Variants in DNAH14 observed in about 807,000 individuals in gnomAD.
DNAH14 encodes the protein axonemal beta dynein heavy chain 14.
A neutral mutation model predicts 520.9 loss-of-function variants in DNAH14; 478 were observed. That is an observed-to-expected ratio of 0.92 (90% CI 0.85 to 0.99). The LOEUF (loss-of-function observed/expected upper bound fraction) is 0.99. Ranked by LOEUF, DNAH14 falls within the 50% of genes least tolerant of loss-of-function variation. The pLI, the probability that DNAH14 is intolerant of heterozygous loss-of-function variation, is 0.00. For synonymous variants in DNAH14, 1,581 were observed against 1,757.2 expected, an observed-to-expected ratio of 0.90 and a Z score of 2.51; for missense variants, 4,831 against 5,234.5, an observed-to-expected ratio of 0.92 and a Z score of 2.38.
chr1:225,335,339 ATG>A (rs1259384978), intron 66 of DNAH14, among the ~76,000 whole-genome samples: 4,109 of 86,708 alleles, frequency 0.047, 837 homozygotes, highest in Middle Eastern at 0.12. Context: ...ACGTGTGTAC[ATG>A]TGTGTGTATA....
chr1:224,942,052 T>C (rs912878212), intron 1 of DNAH14, among the ~76,000 whole-genome samples: 2 of 152,184 alleles, frequency 1.3e-5, no homozygotes, highest in African/African-American at 4.8e-5. Context: ...AAGAAAGTCA[T>C]TGGTAGCTTG....
At chr1:225,121,693 T>G (rs951922334) in intron 26 of DNAH14, among the ~76,000 whole-genome samples, 7 of 152,044 alleles carry the variant, frequency 4.6e-5, no homozygotes, top group East Asian at 3.9e-4. Flanking sequence ...ATACAAAATT[T>G]AGCCAGGCAT....
chr1:224,955,576 A>T (rs2060460851), intron 3 of DNAH14, among the ~76,000 whole-genome samples: 2 of 151,596 alleles, frequency 1.3e-5, no homozygotes, highest in African/African-American at 4.8e-5. Context: ...ATTTGATTTT[A>T]TTTTTTACCA....
intron 11 of DNAH14, among the ~76,000 whole-genome samples, chr1:225,029,506 G>C (rs952188972): frequency 6.6e-6 from 1 of 152,016 alleles, no homozygotes; most frequent in Non-Finnish European, 1.5e-5. Context: ...TACTTTGTTA[G>C]ATCCTGGACA....
chr1:224,955,434 A>G (rs1164251431), intron 3 of DNAH14, among the ~76,000 whole-genome samples: 2 of 152,042 alleles, frequency 1.3e-5, no homozygotes, highest in African/African-American at 2.4e-5. Context: ...CGGTTCTCCT[A>G]AGTCCCCAGT....
chr1:224,976,545 C>G (rs1203876924), intron 8 of DNAH14, among the ~76,000 whole-genome samples: 1 of 152,096 alleles, frequency 6.6e-6, no homozygotes, highest in East Asian at 1.9e-4. Context: ...TCAAAGTGAA[C>G]AGGCAACCTA....
chr1:225,324,408 C>A, intron 63 of DNAH14, 55 bp downstream of exon 63: 1 of 1,525,228 alleles, frequency 6.6e-7, no homozygotes, highest in Admixed American at 2.2e-5. Context: ...CATCAATGTC[C>A]CAGAAATAAT....
Position 225,389,817 on chromosome 1 carries a change from A to G in DNAH14, c.13274A>G (p.Asn4425Ser), listed in dbSNP as rs1558610402. 3.9e-6 allele frequency: 6 copies of G among 1,551,760 alleles called. No homozygotes were observed. In the African/African-American group the frequency reaches 6.8e-5, roughly 18 times the overall value. The stretch of plus-strand genomic sequence containing the variant: ...AAACACCCTGAGGATTCAGAGAACA[A>G]TTTCTTTGAAGGGTTTCCTTCAAGA... ...KCKHPEDSENNFFEGFPSRYW... is the reference protein window; with the variant it reads ...KCKHPEDSENSFFEGFPSRYW... Residue 4425 changes from asparagine to serine, a missense_variant, in exon 83 of 86, where the codon AAT becomes AGT. Coordinates refer to ENST00000682510, the MANE Select transcript of DNAH14 (RefSeq NM_001367479.1).
intron 35 of DNAH14, 27 bp downstream of exon 35, chr1:225,159,512 C>A: frequency 1.4e-6 from 2 of 1,479,402 alleles, no homozygotes; most frequent in South Asian, 2.7e-5. Context: ...AAATCATCAC[C>A]AATTATTTGG....
chr1:224,981,668 T>C (rs1044821736), intron 8 of DNAH14, among the ~76,000 whole-genome samples: 3 of 152,210 alleles, frequency 2.0e-5, no homozygotes, highest in Admixed American at 2.0e-4. Context: ...TTATTTGGAT[T>C]TTCTTTCTTC....
chr1:225,121,241 A>G (rs961911836), intron 26 of DNAH14, among the ~76,000 whole-genome samples: 1 of 152,184 alleles, frequency 6.6e-6, no homozygotes, highest in African/African-American at 2.4e-5. Flanking sequence ...ATCACCTCAC[A>G]TGCTTATTTT....
intron 8 of DNAH14, among the ~76,000 whole-genome samples, chr1:224,987,787 C>T (rs2062747383): frequency 6.6e-6 from 1 of 152,052 alleles, no homozygotes; most frequent in South Asian, 2.1e-4. Flanking sequence ...CCACCATGCC[C>T]AGCTAATTTT....
At chr1:225,168,150 C>A in intron 36 of DNAH14, 122 bp downstream of exon 36, 1 of 628,004 alleles carries the variant, frequency 1.6e-6, no homozygotes, top group East Asian at 3.3e-5. Context: ...TAATTAAAGT[C>A]ATTTATTAAT....
chr1:225,337,775 G>A (rs2095089023), intron 67 of DNAH14, among the ~76,000 whole-genome samples: 1 of 152,118 alleles, frequency 6.6e-6, no homozygotes, highest in Admixed American at 6.5e-5. Context: ...GGGTACATAA[G>A]ATGTTTTTGA....
intron 17 of DNAH14, among the ~76,000 whole-genome samples, chr1:225,059,364 T>C (rs1479046510): frequency 6.6e-6 from 1 of 152,208 alleles, no homozygotes; most frequent in Non-Finnish European, 1.5e-5. Flanking sequence ...CCTTTTTTTG[T>C]TTTCCATTTG....
chr1:225,362,978 C>G (rs2095509917), intron 75 of DNAH14, among the ~76,000 whole-genome samples: 2 of 152,076 alleles, frequency 1.3e-5, no homozygotes, highest in South Asian at 4.1e-4. Context: ...AGTGGGATTA[C>G]AGGCCATATT....
intron 49 of DNAH14, among the ~76,000 whole-genome samples, chr1:225,270,446 A>C (rs879912803): frequency 3.9e-5 from 6 of 152,146 alleles, no homozygotes; most frequent in Non-Finnish European, 7.4e-5. Flanking sequence ...CATTGTGCAC[A>C]TGTACCCTAG....
chr1:225,024,833 ATATTAT>A (rs1017303206), intron 11 of DNAH14, among the ~76,000 whole-genome samples: 61 of 152,122 alleles, frequency 4.0e-4, no homozygotes, highest in Admixed American at 9.8e-4. Flanking sequence ...TTTTTGAAAG[ATATTAT>A]TATAATTAAT....
intron 38 of DNAH14, among the ~76,000 whole-genome samples, chr1:225,195,328 G>A (rs116404943): frequency 0.015 from 2,334 of 152,016 alleles, 48 homozygotes; most frequent in East Asian, 0.053. Context: ...CTACAAAGCC[G>A]TAAGAATGAG....
Sources: gnomAD v4.1 joint callset for allele counts (sites outside exome capture counted in the v4.1 genomes callset) on GRCh38, gnomAD v4.1.1 for gene constraint, MANE v1.5 for transcripts, NCBI Gene and HGNC (gene_info 2026-07-23, HGNC 2026-07-21) for gene names.